The following PZP variants were observed in gnomAD, a reference collection of about 807,000 sequenced individuals.
PZP encodes pregnancy zone protein.
PZP carries 150 observed loss-of-function variants against 179.8 expected under a neutral mutation model. That is an observed-to-expected ratio of 0.83 (90% confidence interval 0.73 to 0.96). The LOEUF (loss-of-function observed/expected upper bound fraction) is 0.96. Ranked by LOEUF, PZP falls within the 40% of genes least tolerant of loss-of-function variation. PZP has a pLI of 0.00. For missense variants in PZP, 1,689 were observed against 1,764.0 expected (o/e 0.96, Z 0.76); for synonymous variants, 624 against 652.3 (o/e 0.96, Z 0.66).
At position 9,151,654 on chromosome 12, in the gene PZP, C is replaced by T; in HGVS notation, c.4231G>A (p.Val1411Met). Residue 1411 changes from valine to methionine, a missense_variant, in exon 33 of 36, where the codon GTG becomes ATG. By Grantham distance (21) the Val-to-Met change is conservative. Around this residue, in one of 3 missense-constraint regions of PZP, gnomAD observed 746 missense variants for 749.2 expected, o/e 1.00. Transcript: ENST00000261336. Reference protein sequence around the residue: ...TVKMLERSSSVSRTEVSNNHV... With the variant: ...TVKMLERSSSMSRTEVSNNHV... ...TTGTTGCTCACTTCTGTCCGGCTCA[C>T]AGAGCTAGATCTTTCAAGCTGGAGA... 6.2e-7 allele frequency: 1 copy of T among 1,613,770 alleles called. No homozygotes were observed.
chr12:9,193,405 A>G (rs1371593857), intron 11 of PZP, among the ~76,000 whole-genome samples: 4 of 152,188 alleles, frequency 2.6e-5, no homozygotes, highest in Admixed American at 6.5e-5. Flanking sequence ...TTGCGCATAA[A>G]CACATCATAC....
At chr12:9,149,735 CAAG>C (rs1171409641) in intron 34 of PZP, 133 bp from the exon 35 acceptor site, 2 of 718,744 alleles carry the variant, frequency 2.8e-6, no homozygotes, top group African/African-American at 3.5e-5. Flanking sequence ...TGTAAATAGA[CAAG>C]AATTAAACAG....
At chr12:9,143,620 C>T in the PZP span, among the ~76,000 whole-genome samples, 1 of 152,098 alleles carries the variant, frequency 6.6e-6, no homozygotes, top group African/African-American at 2.4e-5. Context: ...AGGCAAGAAC[C>T]TCCTGCCATT....
In PZP at chr12:9,196,387, T is replaced by A. The variant is rs368004295; in HGVS notation, c.1035A>T (p.Lys345Asn). The change falls in exon 10 of 36, where the codon AAA becomes AAT. Residue 345 changes from lysine (K) to asparagine (N), a missense_variant. Lys to Asn is a moderately conservative substitution (Grantham distance 94). Transcript: ENST00000261336. ...RISEITNIVS[K>N]LKFVKVDSHF... ...GTGAATCCACTTTCACGAATTTGAGTTTGGATACAATGTTTGTGATTTCAC... is the reference window on the plus strand; with the variant it reads ...GTGAATCCACTTTCACGAATTTGAGATTGGATACAATGTTTGTGATTTCAC... 2.0e-5 allele frequency: 33 copies of A among 1,613,946 alleles called. No individual in the cohort carries two copies. The highest frequency in any genetic ancestry group is 2.8e-5 in the Non-Finnish European group (33 of 1,179,856).
chr12:9,204,056 T>A, intron 1 of PZP, 105 bp from the exon 2 acceptor site: 3 of 1,176,510 alleles, frequency 2.5e-6, no homozygotes, highest in Non-Finnish European at 3.6e-6. Flanking sequence ...GCAATCAGTT[T>A]TATTCTAAAA....
Position 9,201,321 on chromosome 12 carries a change from A to G in PZP, c.501+6T>C. On this transcript the variant is annotated splice_donor_region_variant and intron_variant, in intron 5 of 35. Transcript: ENST00000261336. Reference sequence around the variant, plus strand: ...TTCCTTATAAGATACTTTTTCTGATACTTACCTCAAGGTATATCAGTGGAA... The same window carrying G: ...TTCCTTATAAGATACTTTTTCTGATGCTTACCTCAAGGTATATCAGTGGAA... 1.3e-6 allele frequency: 2 copies of G among 1,544,782 alleles called. No individual in the cohort carries two copies. Among genetic ancestry groups the G allele is most frequent in the South Asian group, 1.1e-5 (1 of 88,920 alleles).
Position 9,165,347 on chromosome 12 carries a change from A to G in PZP, c.2279T>C (p.Val760Ala). 1 of 1,614,060 alleles carries G rather than the reference A, an allele frequency of 6.2e-7. No individual in the cohort carries two copies. The highest frequency in any genetic ancestry group is 8.5e-7 in the Non-Finnish European group (1 of 1,179,928). The part of the protein sequence containing the change: ...VAVNSSGVAE[V>A]GVTVPDTITE... ...GATGGTGTCAGGGACTGTTACTCCT[A>G]CCTCAGCCACACCTGATGAGCTGGG... is the stretch of plus-strand genomic sequence containing the variant. The change falls in exon 19 of 36, where the codon GTA (valine) becomes GCA (alanine). Residue 760 changes from valine to alanine, a missense_variant. Coordinates refer to ENST00000261336, the MANE Select transcript of PZP (RefSeq NM_002864.3).
intron 3 of PZP, 76 bp downstream of exon 3, chr12:9,202,448 GC>G: frequency 6.2e-7 from 1 of 1,612,010 alleles, no homozygotes; most frequent in South Asian, 1.1e-5. Flanking sequence ...AGGCTACGGG[GC>G]TAGGATAATG....
the PZP span, among the ~76,000 whole-genome samples, chr12:9,137,646 C>G: frequency 1.1e-4 from 16 of 151,956 alleles, no homozygotes; most frequent in Non-Finnish European, 1.5e-5. Context: ...AGTAAATCTT[C>G]CAATCAATGA....
In PZP at chr12:9,192,515, G is replaced by A. The variant is rs762671051; in HGVS notation, c.1479C>T (p.Tyr493=). ...MGELSELSFH[Y]LIMAKGVIVR... ...TATTCCATGGCCTCATTCTTACCAG[G>A]TAATGGAAACTGAGCTCCGATAACT... Residue 493 remains tyrosine (Y), a synonymous_variant, in exon 12 of 36, where the codon TAC becomes TAT. Coordinates refer to ENST00000261336, the MANE Select transcript of PZP (RefSeq NM_002864.3). 6.8e-6 allele frequency: 11 copies of A among 1,611,508 alleles called. No individual in the cohort carries two copies. Among genetic ancestry groups the A allele is most frequent in the Admixed American group, 3.3e-5 (2 of 59,972 alleles).
Position 9,192,724 on chromosome 12 carries a change from G to C in PZP, c.1270C>G (p.Pro424Ala). 6.2e-7 allele frequency: 1 copy of C among 1,609,696 alleles called. No homozygotes were observed. Among genetic ancestry groups the C allele is most frequent in the Non-Finnish European group, 8.5e-7 (1 of 1,176,158 alleles). Reference sequence around the variant, plus strand: ...CATGAATAGTGAAAACACAAGTTGGGATGCACAGTGAAAACCTGAGTAAAC... The same window carrying C: ...CATGAATAGTGAAAACACAAGTTGGCATGCACAGTGAAAACCTGAGTAAAC... ...KLFVRVFTVH[P>A]NLCFHYSWVA... The change falls in exon 12 of 36, where the codon CCC (proline) becomes GCC (alanine). Residue 424 changes from proline (P) to alanine (A), a missense_variant. This residue lies in a region of PZP where 742 missense variants were observed against 730.5 expected (regional missense o/e 1.02). Coordinates refer to ENST00000261336, the MANE Select transcript of PZP (RefSeq NM_002864.3).
chr12:9,205,997 C>T (rs993294388), intron 1 of PZP, among the ~76,000 whole-genome samples: 1 of 152,110 alleles, frequency 6.6e-6, no homozygotes, highest in Non-Finnish European at 1.5e-5. Flanking sequence ...CTGAAATCAT[C>T]CAAGTTTCAG....
rs758547169 is a variant in PZP at position 9,151,678 on chromosome 12, G to T, written c.4213-6C>A. ...ACAGAGCTAGATCTTTCAAGCTGGAGAGAATTAGAAAACTTCAGTTAAAGT... is the reference window on the plus strand; with the variant it reads ...ACAGAGCTAGATCTTTCAAGCTGGATAGAATTAGAAAACTTCAGTTAAAGT... On this transcript the variant is annotated splice_region_variant and splice_polypyrimidine_tract_variant and intron_variant, in intron 32 of 35. Coordinates refer to ENST00000261336, the MANE Select transcript of PZP (RefSeq NM_002864.3). 1.1e-5 allele frequency: 17 copies of T among 1,612,442 alleles called. No homozygotes were observed. The highest frequency in any genetic ancestry group is 1.4e-5 in the Non-Finnish European group (17 of 1,178,872).
chr12:9,207,968 G>A (rs1944524839), intron 1 of PZP, among the ~76,000 whole-genome samples: 1 of 152,128 alleles, frequency 6.6e-6, no homozygotes, highest in Admixed American at 6.5e-5. Flanking sequence ...TCTATATTCA[G>A]TGCCTTCCAT....
At chr12:9,148,607 A>G (rs1212761298), downstream of PZP, among the ~76,000 whole-genome samples, 1 of 152,078 alleles carries the variant, frequency 6.6e-6, no homozygotes, top group East Asian at 1.9e-4. Flanking sequence ...TGACCCTTCC[A>G]GTCCAGTTAT....
chr12:9,194,218 T>G lies in PZP; in HGVS notation c.1113A>C (p.Lys371Asn). Residue 371 changes from lysine (K) to asparagine (N), a missense_variant, in exon 11 of 36, where the codon AAA (lysine) becomes AAC (asparagine). Physicochemically the swap from Lys to Asn is moderately conservative, Grantham distance 94 (BLOSUM62 0). Around this residue, in one of 3 missense-constraint regions of PZP, gnomAD observed 742 missense variants for 730.5 expected, o/e 1.02. Coordinates refer to ENST00000261336, the MANE Select transcript of PZP (RefSeq NM_002864.3). ...FFAQVLLVDG[K>N]GVPIPNKLFF... ...AGAGTTTATTGGGGATGGGCACACC[T>G]TTTCCATCCACCAGAAGCACCTAAA... is the stretch of plus-strand genomic sequence containing the variant. 1 of 1,612,716 alleles carries G rather than the reference T, an allele frequency of 6.2e-7. No homozygotes were observed.
At chr12:9,169,673 T>C in intron 15 of PZP, 82 bp from the exon 16 acceptor site, 1 of 1,301,762 alleles carries the variant, frequency 7.7e-7, no homozygotes, top group Non-Finnish European at 1.0e-6. Context: ...ATAAAATAAT[T>C]ATCACCAATC....
chr12:9,151,134 C>A (rs1252011597), intron 33 of PZP, among the ~76,000 whole-genome samples: 2 of 152,092 alleles, frequency 1.3e-5, no homozygotes, highest in Non-Finnish European at 2.9e-5. Context: ...TGATAATATT[C>A]ATAAAATCCT....
Position 9,202,641 on chromosome 12 carries a change from A to G in PZP, c.311T>C (p.Ile104Thr), listed in dbSNP as rs1944230619. Residue 104 changes from isoleucine (I) to threonine (T), a missense_variant, in exon 3 of 36, where the codon ATC (isoleucine) becomes ACC (threonine). By Grantham distance (89) the Ile-to-Thr change is moderately conservative. This residue lies in a region of PZP where 742 missense variants were observed against 730.5 expected (regional missense o/e 1.02). Transcript: ENST00000261336. ...ATCTTGCGTAGGCCCCTTTATCTGG[A>G]TGCTAAGGAATGCCACCTCTGAAGA... ...SASSEVAFLS[I>T]QIKGPTQDFR... 6.2e-7 allele frequency: 1 copy of G among 1,614,082 alleles called. No homozygotes were observed. The highest frequency in any genetic ancestry group is 8.5e-7 in the Non-Finnish European group (1 of 1,179,990).
Sources: allele counts gnomAD v4.1 joint callset (sites outside exome capture counted in the v4.1 genomes callset), GRCh38; gene constraint gnomAD v4.1.1; regional missense constraint gnomAD v4.1.1; transcripts MANE v1.5; gene names NCBI Gene and HGNC (gene_info 2026-07-23, HGNC 2026-07-21).